The following PCDH11X variants were observed in gnomAD, a reference collection of about 807,000 sequenced individuals.
The protein encoded by PCDH11X is protocadherin 11 X-linked.
PCDH11X carries 18 observed loss-of-function variants against 53.3 expected under a neutral mutation model. The ratio of observed to expected loss-of-function variants is 0.34; its 90% CI spans 0.23 to 0.50. The LOEUF (loss-of-function observed/expected upper bound fraction) is 0.50, where lower values mean the gene tolerates loss of function less well. PCDH11X is among the 20% of genes least tolerant of loss of function. PCDH11X has a pLI of 0.98. For missense variants in PCDH11X, 570 were observed against 1,032.4 expected, an observed-to-expected ratio of 0.55 and a Z score of 6.14; for synonymous variants, 279 against 393.3, an observed-to-expected ratio of 0.71 and a Z score of 3.44.
At chrX:92,447,074 G>A (rs1463523692) in intron 9 of PCDH11X, among the ~76,000 whole-genome samples, 1 of 111,891 alleles carries the variant, frequency 8.9e-6, no homozygotes, top group African/African-American at 3.3e-5. Flanking sequence ...TTTCTAAGTG[G>A]CAAAGCATTC....
chrX:92,215,125 G>A (rs768426810), intron 7 of PCDH11X, among the ~76,000 whole-genome samples: 53 of 111,190 alleles, frequency 4.8e-4, no homozygotes, highest in Non-Finnish European at 8.7e-4. Flanking sequence ...CGTGAGCGAC[G>A]CAGAAGACGG....
chrX:92,359,598 G>A (rs990200300), intron 8 of PCDH11X, among the ~76,000 whole-genome samples: 4 of 111,340 alleles, frequency 3.6e-5, no homozygotes, highest in Non-Finnish European at 7.6e-5. Flanking sequence ...CAATAGATTT[G>A]ATTGGCTCTG....
chrX:92,610,742 T>C lies in PCDH11X; in HGVS notation c.3368-7522T>C, dbSNP rs763662043. ...TACAGTTATTGGTCTCACATTTAAATCTTTAATTCATCTTAGGTTAATTTT... is the reference window on the plus strand; with the variant it reads ...TACAGTTATTGGTCTCACATTTAAACCTTTAATTCATCTTAGGTTAATTTT... On this transcript the variant is annotated intron_variant, in intron 10 of 10. Transcript: ENST00000682573. Among the ~76,000 whole-genome samples, 4 of 111,114 alleles carry C rather than the reference T, an allele frequency of 3.6e-5. No individual in the cohort carries two copies. The East Asian group carries it at 1.1e-3, about 31-fold the overall frequency.
intron 6 of PCDH11X, among the ~76,000 whole-genome samples, chrX:92,195,197 G>A (rs1404023418): frequency 9.0e-6 from 1 of 111,288 alleles, no homozygotes; most frequent in Non-Finnish European, 1.9e-5. Context: ...CTCATGTCGG[G>A]TTTTGTTAAA....
chrX:91,914,409 G>A lies in PCDH11X; in HGVS notation c.3033+35136G>A, dbSNP rs1013406226. ...GGATCCAAACCAAGAAGAAATCTCT[G>A]AATTGCCAGATAAACACTTCAGAAG... On this transcript the variant is annotated intron_variant, in intron 6 of 10. Transcript: ENST00000682573. 9.0e-5 allele frequency among the ~76,000 whole-genome samples: 10 copies of A among 111,192 alleles called. No individual in the cohort carries two copies. The Admixed American group carries it at 9.6e-4, about 11-fold the overall frequency.
intron 6 of PCDH11X, among the ~76,000 whole-genome samples, chrX:92,135,992 G>A (rs750874338): frequency 5.8e-4 from 65 of 111,502 alleles, no homozygotes; most frequent in African/African-American, 2.1e-3. Flanking sequence ...TTTGGAGAGA[G>A]TGATAGATTG....
intron 10 of PCDH11X, among the ~76,000 whole-genome samples, chrX:92,585,843 G>T (rs1169022606): frequency 9.3e-6 from 1 of 107,557 alleles, no homozygotes; most frequent in East Asian, 2.9e-4. Context: ...TTTAACTTTG[G>T]ATAGCTTTGG....
intron 6 of PCDH11X, among the ~76,000 whole-genome samples, chrX:92,181,327 A>C (rs973089765): frequency 3.6e-5 from 4 of 111,747 alleles, no homozygotes; most frequent in African/African-American, 1.3e-4. Context: ...AGCATTCAAG[A>C]TGTGACTTGG....
chrX:92,258,719 CT>C (rs1042083473), intron 7 of PCDH11X, among the ~76,000 whole-genome samples: 8 of 110,750 alleles, frequency 7.2e-5, no homozygotes, highest in East Asian at 2.9e-4. Context: ...AAAATGGAGA[CT>C]TTTTTTTTCT....
intron 1 of PCDH11X, among the ~76,000 whole-genome samples, chrX:91,790,243 T>C (rs1935485399): frequency 8.9e-6 from 1 of 112,622 alleles, no homozygotes; most frequent in Non-Finnish European, 1.9e-5. Flanking sequence ...TAACAACCAG[T>C]TGCTTGTCCA....
chrX:92,090,678 C>T (rs1179076526), intron 6 of PCDH11X, among the ~76,000 whole-genome samples: 2 of 110,213 alleles, frequency 1.8e-5, no homozygotes, highest in African/African-American at 3.3e-5. Flanking sequence ...GCTAGAGAAC[C>T]CTTAAGTAGG....
intron 5 of PCDH11X, among the ~76,000 whole-genome samples, chrX:91,872,036 G>T (rs1448137126): frequency 9.1e-6 from 1 of 110,395 alleles, no homozygotes; most frequent in African/African-American, 3.3e-5. Flanking sequence ...AATTATTCTT[G>T]CATGCAGTTC....
intron 10 of PCDH11X, among the ~76,000 whole-genome samples, chrX:92,542,287 C>G (rs1025188224): frequency 1.8e-5 from 2 of 111,119 alleles, no homozygotes; most frequent in East Asian, 5.7e-4. Context: ...ATCACTTTTG[C>G]GTCAATATTA....
chrX:91,784,300 T>A (rs1355020528), intron 1 of PCDH11X, among the ~76,000 whole-genome samples: 1 of 112,097 alleles, frequency 8.9e-6, no homozygotes, highest in South Asian at 3.7e-4. Context: ...AAGAAGATAA[T>A]GTAACATCCA....
At chrX:92,153,246 T>C (rs1452485780) in intron 6 of PCDH11X, among the ~76,000 whole-genome samples, 3 of 108,605 alleles carry the variant, frequency 2.8e-5, no homozygotes, top group Non-Finnish European at 5.7e-5. Context: ...ATTTTAACTT[T>C]AATTTTTATG....
At chrX:92,116,587 T>C (rs2064642644) in intron 6 of PCDH11X, among the ~76,000 whole-genome samples, 1 of 112,183 alleles carries the variant, frequency 8.9e-6, no homozygotes, top group East Asian at 2.8e-4. Flanking sequence ...TTGATTTATT[T>C]ATCTATTATT....
intron 6 of PCDH11X, among the ~76,000 whole-genome samples, chrX:91,994,637 A>C (rs1476934302): frequency 5.6e-5 from 6 of 106,969 alleles, no homozygotes; most frequent in Non-Finnish European, 1.2e-4. Flanking sequence ...TAGCATGGTG[A>C]TTTAATTTCC....
intron 6 of PCDH11X, among the ~76,000 whole-genome samples, chrX:92,060,662 T>A (rs183188102): frequency 0.02 from 2,178 of 109,694 alleles, 21 homozygotes; most frequent in Non-Finnish European, 0.031. Flanking sequence ...CATGATCTCA[T>A]TCTCTCTTAT....
chrX:91,914,112 C>G (rs1434749010), intron 6 of PCDH11X, among the ~76,000 whole-genome samples: 1 of 111,540 alleles, frequency 9.0e-6, no homozygotes, highest in Non-Finnish European at 1.9e-5. Context: ...CAGCCCAGAG[C>G]CTGGTAGCCC....
Sources: allele counts gnomAD v4.1 joint callset (sites outside exome capture counted in the v4.1 genomes callset), GRCh38; gene constraint gnomAD v4.1.1; transcripts MANE v1.5; gene names NCBI Gene and HGNC (gene_info 2026-07-23, HGNC 2026-07-21).